Variants in ECHDC3 observed in about 807,000 individuals in gnomAD.
ECHDC3 encodes enoyl-CoA hydratase domain containing 3, also known as enoyl-CoA hydratase domain-containing protein 3, mitochondrial.
Under a neutral mutation model 17.9 loss-of-function variants are expected in ECHDC3, and 20 were observed. The observed-to-expected ratio is 1.12, with a 90% CI of 0.79 to 1.63. The LOEUF (loss-of-function observed/expected upper bound fraction) is 1.63. Ranked by LOEUF, ECHDC3 falls within the 40% of genes most tolerant of loss-of-function variation. The pLI is 0.00. For missense variants in ECHDC3, 407 were observed against 357.7 expected (o/e 1.14, Z -1.11); for synonymous variants, 177 against 149.7 (o/e 1.18, Z -1.33).
intron 2 of ECHDC3, 94 bp downstream of exon 2, chr10:11,747,564 G>T: frequency 1.4e-6 from 2 of 1,443,078 alleles, no homozygotes; most frequent in Non-Finnish European, 1.9e-6. Context: ...TTTAACTGGA[G>T]AATTGTTTTG....
In ECHDC3 at chr10:11,762,924, G is replaced by A. The variant is rs567783290; in HGVS notation, c.592-300G>A. 9.2e-5 allele frequency among the ~76,000 whole-genome samples: 14 copies of A among 152,052 alleles called. No homozygotes were observed. In the East Asian group the frequency reaches 1.2e-3, roughly 13 times the overall value. ...GGGCATCCCATCTGATGTGGCTGCCGTCCTGTGCTTGGCCCTCAAAAGAGG... is the reference window on the plus strand; with the variant it reads ...GGGCATCCCATCTGATGTGGCTGCCATCCTGTGCTTGGCCCTCAAAAGAGG... On this transcript the variant is annotated intron_variant, in intron 4 of 4. Transcript: ENST00000379215.
intron 4 of ECHDC3, among the ~76,000 whole-genome samples, chr10:11,760,778 C>T (rs1452094350): frequency 3.3e-5 from 5 of 152,210 alleles, no homozygotes; most frequent in Non-Finnish European, 7.3e-5. Flanking sequence ...AGAGCACTGT[C>T]CTGGCCCCGT....
intron 3 of ECHDC3, 82 bp from the exon 4 acceptor site, chr10:11,755,326 A>C (rs1832873149): frequency 5.7e-6 from 1 of 176,038 alleles, no homozygotes; most frequent in Non-Finnish European, 7.9e-6. Flanking sequence ...ACTCTGTCAA[A>C]AAAAAAAAAA....
intron 2 of ECHDC3, 72 bp downstream of exon 2, chr10:11,747,542 G>C: frequency 6.5e-7 from 1 of 1,542,216 alleles, no homozygotes; most frequent in South Asian, 1.2e-5. Context: ...AGTAAACTGG[G>C]GCATCCCTTT....
chr10:11,753,353 A>T (rs1832848894), intron 3 of ECHDC3, among the ~76,000 whole-genome samples: 1 of 152,228 alleles, frequency 6.6e-6, no homozygotes, highest in African/African-American at 2.4e-5. Context: ...ACCGCACTCC[A>T]GCTTGGGTGA....
At chr10:11,743,045 G>A (rs1013303610) in intron 1 of ECHDC3, 13 of 299,420 alleles carry the variant, frequency 4.3e-5, no homozygotes, top group Non-Finnish European at 6.7e-5. Flanking sequence ...CCGGCCCTAG[G>A]GGAAGTGTGG....
At chr10:11,746,550 C>G (rs1238567161) in intron 1 of ECHDC3, among the ~76,000 whole-genome samples, 1 of 152,098 alleles carries the variant, frequency 6.6e-6, no homozygotes, top group Non-Finnish European at 1.5e-5. Context: ...TCTTCCATCA[C>G]GTGATTATTG....
chr10:11,755,611 A>T lies in ECHDC3; in HGVS notation c.591+3A>T. ...TGGCAAGAGCAGTGCCTAGAAAGGT[A>T]ATTTAACTCCCCCCACCCACCTCTG... On this transcript the variant is annotated splice_donor_region_variant and intron_variant, in intron 4 of 4. Transcript: ENST00000379215. 6.2e-7 allele frequency: 1 copy of T among 1,609,538 alleles called. No homozygotes were observed.
At chr10:11,747,265 C>A in intron 1 of ECHDC3, 84 bp from the exon 2 acceptor site, 1 of 1,541,320 alleles carries the variant, frequency 6.5e-7, no homozygotes, top group Non-Finnish European at 8.8e-7. Context: ...GTTAAAAATA[C>A]CTCCTAAATT....
chr10:11,749,187 T>C (rs539528460), intron 2 of ECHDC3, among the ~76,000 whole-genome samples: 34 of 152,356 alleles, frequency 2.2e-4, no homozygotes, highest in African/African-American at 7.0e-4. Context: ...ATAAAGGCTC[T>C]GTATAAAATA....
intron 1 of ECHDC3, among the ~76,000 whole-genome samples, chr10:11,743,351 C>T (rs1031696352): frequency 6.6e-6 from 1 of 152,202 alleles, no homozygotes; most frequent in African/African-American, 2.4e-5. Flanking sequence ...TTAAATAAAA[C>T]GTCGTCTTCT....
chr10:11,750,111 A>G (rs1462226868), intron 3 of ECHDC3, among the ~76,000 whole-genome samples: 2 of 152,102 alleles, frequency 1.3e-5, no homozygotes, highest in African/African-American at 4.8e-5. Flanking sequence ...TAGACTTTTA[A>G]GAAGTGACCA....
In ECHDC3 at chr10:11,763,923, A is replaced by G. The variant is rs1034358276; in HGVS notation, c.*379A>G. ...ATCTGAAACGTCCTAAGCAGAGTTA[A>G]TCCTGGCTGCTCAGGAGAGGCGACA... On this transcript the variant is annotated 3_prime_UTR_variant, in exon 5 of 5. Transcript: ENST00000379215. The surrounding 1 kb of genome is among the most constrained non-coding windows in gnomAD (Gnocchi z 4.9). 1 of 1,009,764 alleles carries G rather than the reference A, an allele frequency of 9.9e-7. No individual in the cohort carries two copies. The highest frequency in any genetic ancestry group is 5.6e-5 in the Admixed American group (1 of 17,754). 62.6% of individuals were successfully genotyped at this position (1,009,764 alleles called of 1,614,324 possible). A position where few individuals can be genotyped will look rare whatever the true frequency, so the allele number is the denominator to read the frequency against.
rs756288263 is a variant in ECHDC3, at chr10:11,763,373, G to A, written c.741G>A (p.Val247=). ...AGATCGCATCGCTGAGCCGTCCGGT[G>A]GTGTCCCTGGGCAAAGCCACCTTCT... The part of the protein sequence containing the change: ...ARKIASLSRP[V]VSLGKATFYK... Residue 247 remains valine (V), a synonymous_variant, in exon 5 of 5, where the codon GTG becomes GTA. Transcript: ENST00000379215. The surrounding 1 kb of genome is among the most constrained non-coding windows in gnomAD (Gnocchi z 4.9). 1.3e-6 allele frequency: 1 copy of A among 779,370 alleles called. No homozygotes were observed. Among genetic ancestry groups the A allele is most frequent in the South Asian group, 1.3e-5 (1 of 74,644 alleles). 48.3% of individuals were successfully genotyped at this position (779,370 alleles called of 1,614,324 possible). A position where few individuals can be genotyped will look rare whatever the true frequency, so the allele number is the denominator to read the frequency against.
Position 11,746,730 on chromosome 10 carries a change from G to GT in ECHDC3, c.171-617dup, listed in dbSNP as rs1832765274. 2.6e-5 allele frequency among the ~76,000 whole-genome samples: 4 copies of GT among 152,092 alleles called. No individual in the cohort carries two copies. In the South Asian group the frequency reaches 8.3e-4, roughly 32 times the overall value. On this transcript the variant is annotated intron_variant, in intron 1 of 4. Coordinates refer to ENST00000379215, the MANE Select transcript of ECHDC3 (RefSeq NM_024693.5). Reference sequence around the variant, plus strand: ...GCAAGCGGATCACCTGAGATCAGGAGTTCAAGACCAGCCTAGCCAACATGG... The same window carrying GT: ...GCAAGCGGATCACCTGAGATCAGGAGTTTCAAGACCAGCCTAGCCAACATGG...
At position 11,758,794 on chromosome 10, in the gene ECHDC3, C is replaced by T. The variant is rs530310639; in HGVS notation, c.591+3186C>T. Among the ~76,000 whole-genome samples the T allele has an allele frequency of 7.9e-5, 12 of 152,336 alleles. No individual in the cohort carries two copies. In the East Asian group the frequency reaches 1.2e-3, roughly 15 times the overall value. On this transcript the variant is annotated intron_variant, in intron 4 of 4. Transcript: ENST00000379215. ...CCCTGCTGGTGCCATGGTGCCAGTGCGAATGCATGTGTGTGTGTGCACAAG... is the reference window on the plus strand; with the variant it reads ...CCCTGCTGGTGCCATGGTGCCAGTGTGAATGCATGTGTGTGTGTGCACAAG...
At chr10:11,758,293 G>A (rs552039767) in intron 4 of ECHDC3, among the ~76,000 whole-genome samples, 2 of 152,252 alleles carry the variant, frequency 1.3e-5, no homozygotes, top group Admixed American at 6.5e-5. Context: ...ACCCTGCCTG[G>A]CGCAGCTGCT....
intron 2 of ECHDC3, 37 bp downstream of exon 2, chr10:11,747,507 GC>G: frequency 6.2e-7 from 1 of 1,606,794 alleles, no homozygotes. Flanking sequence ...ATTCTGCAGT[GC>G]CCACAAGAGC....
chr10:11,758,784 G>A (rs561651576), intron 4 of ECHDC3, among the ~76,000 whole-genome samples: 2 of 152,320 alleles, frequency 1.3e-5, no homozygotes, highest in East Asian at 1.9e-4. Context: ...CTGGTGCCAT[G>A]GTGCCAGTGC....
Sources: gnomAD v4.1 joint callset for allele counts (sites outside exome capture counted in the v4.1 genomes callset) on GRCh38, gnomAD v4.1.1 for gene constraint, Gnocchi (gnomAD v3.1) non-coding constraint, MANE v1.5 for transcripts, NCBI Gene and HGNC (gene_info 2026-07-23, HGNC 2026-07-21) for gene names.